The following DPH5 variants were observed in gnomAD, a reference collection of about 807,000 sequenced individuals.
The protein encoded by DPH5 is diphthine methyl ester synthase.
Under a neutral mutation model 31.6 loss-of-function variants are expected in DPH5, and 31 were observed. The ratio of observed to expected loss-of-function variants is 0.98; its 90% CI spans 0.74 to 1.32. The LOEUF is 1.32. DPH5 is among the 40% of genes most tolerant of loss of function. DPH5 has a pLI of 0.00. For synonymous variants in DPH5, 120 were observed against 115.0 expected (o/e 1.04, Z -0.28); for missense variants, 309 against 335.7 (o/e 0.92, Z 0.62).
At chr1:101,025,192 G>T in intron 2 of DPH5, 117 bp downstream of exon 2, 1 of 1,246,440 alleles carries the variant, frequency 8.0e-7, no homozygotes, top group Non-Finnish European at 1.1e-6. Context: ...AATGAACAAG[G>T]GATGCGTTTC....
intron 2 of DPH5, 191 bp downstream of exon 2, chr1:101,025,118 C>A: frequency 1.5e-6 from 1 of 653,926 alleles, no homozygotes. Context: ...GGACAAAGCA[C>A]CCTTTCATTT....
intron 4 of DPH5, among the ~76,000 whole-genome samples, chr1:101,011,401 A>G (rs1408733328): frequency 2.6e-5 from 4 of 152,222 alleles, no homozygotes; most frequent in Admixed American, 2.6e-4. Flanking sequence ...TTAGATAATA[A>G]AACTAAGCTG....
At chr1:101,009,107 C>T (rs1659453934) in intron 4 of DPH5, among the ~76,000 whole-genome samples, 1 of 152,160 alleles carries the variant, frequency 6.6e-6, no homozygotes, top group African/African-American at 2.4e-5. Context: ...AATACCTACC[C>T]CATGACTTTA....
rs1327579730 is a variant in DPH5, at chr1:100,990,086, T to G, written c.*322A>C. ...GGTAATTATAAAAGAGGTTTAATTT[T>G]CGACTCACAGTTCCACATGGCTGGG... On this transcript the variant is annotated 3_prime_UTR_variant, in exon 8 of 8. Coordinates refer to ENST00000370109, the MANE Select transcript of DPH5 (RefSeq NM_015958.3). 1 of 314,528 alleles carries G rather than the reference T, an allele frequency of 3.2e-6. No homozygotes were observed. Among genetic ancestry groups the G allele is most frequent in the African/African-American group, 2.2e-5 (1 of 46,424 alleles). 19.5% of individuals were successfully genotyped at this position (314,528 alleles called of 1,614,324 possible).
Position 101,021,747 on chromosome 1 carries a change from T to G in DPH5, c.154A>C (p.Lys52Gln). The change falls in exon 3 of 8, where the codon AAA becomes CAA. Residue 52 changes from lysine to glutamine, a missense_variant. By Grantham distance (53) the Lys-to-Gln change is moderately conservative. Transcript: ENST00000370109. ...TCTTCTCTATCAGCAACAACCAATTTTCTTCCATAAAACTCTTCCTACAGA... is the reference window on the plus strand; with the variant it reads ...TCTTCTCTATCAGCAACAACCAATTGTCTTCCATAAAACTCTTCCTACAGA... ...KEALEEFYGR[K>Q]LVVADREEVE... The G allele has an allele frequency of 6.2e-7, 1 of 1,613,206 alleles. No individual in the cohort carries two copies. The highest frequency in any genetic ancestry group is 2.2e-5 in the East Asian group (1 of 44,824).
chr1:101,010,326 G>A (rs765327051), intron 4 of DPH5, among the ~76,000 whole-genome samples: 1 of 152,114 alleles, frequency 6.6e-6, no homozygotes, highest in Non-Finnish European at 1.5e-5. Flanking sequence ...TTATTTTATG[G>A]CAAGTCTGTA....
chr1:101,014,871 A>C (rs1369626024), intron 3 of DPH5, among the ~76,000 whole-genome samples: 2 of 152,224 alleles, frequency 1.3e-5, no homozygotes, highest in African/African-American at 4.8e-5. Flanking sequence ...TCATGAAACC[A>C]CTTTCTTTGC....
intron 3 of DPH5, 37 bp from the exon 4 acceptor site, chr1:101,013,855 C>T: frequency 6.6e-7 from 1 of 1,512,128 alleles, no homozygotes; most frequent in East Asian, 2.3e-5. Flanking sequence ...TTAAAGCAAA[C>T]AACACTTTTA....
chr1:101,023,850 A>G (rs1044832373), intron 2 of DPH5, among the ~76,000 whole-genome samples: 1 of 152,236 alleles, frequency 6.6e-6, no homozygotes, highest in East Asian at 1.9e-4. Flanking sequence ...AAAAGACACT[A>G]AAGTTAAAGG....
At position 100,993,828 on chromosome 1, in the gene DPH5, G is replaced by C. The variant is rs1658079122; in HGVS notation, c.531-1088C>G. On this transcript the variant is annotated intron_variant, in intron 6 of 7. Coordinates refer to ENST00000370109, the MANE Select transcript of DPH5 (RefSeq NM_015958.3). ...GTGATATTGGTTCACTGCAACCTCT[G>C]CCTCCTGGGTTCAAGCAATTCTCTG... Among the ~76,000 whole-genome samples the C allele has an allele frequency of 2.6e-5, 4 of 151,486 alleles. No individual in the cohort carries two copies. In the South Asian group the frequency reaches 6.3e-4, roughly 24 times the overall value.
At chr1:100,998,671 A>G (rs1003470611) in intron 5 of DPH5, among the ~76,000 whole-genome samples, 9 of 152,212 alleles carry the variant, frequency 5.9e-5, no homozygotes, top group African/African-American at 2.2e-4. Context: ...TTTAGTGCCT[A>G]CACTGTGCTA....
Position 101,015,910 on chromosome 1 carries a change from C to T in DPH5, c.261-2092G>A, listed in dbSNP as rs146701142. ...TCATAGACTTGAAGAGAGTTCGAGC[C>T]TTGCCCTGGATTAGACTTTAGCTTA... On this transcript the variant is annotated intron_variant, in intron 3 of 7. Coordinates refer to ENST00000370109, the MANE Select transcript of DPH5 (RefSeq NM_015958.3). 1.9e-3 allele frequency among the ~76,000 whole-genome samples: 296 copies of T among 152,330 alleles called. 3 individuals carry two copies. The highest frequency in any genetic ancestry group is 6.7e-3 in the African/African-American group (280 of 41,568).
intron 3 of DPH5, among the ~76,000 whole-genome samples, chr1:101,015,719 C>G (rs1201787177): frequency 6.6e-6 from 1 of 152,222 alleles, no homozygotes; most frequent in Non-Finnish European, 1.5e-5. Context: ...CACTGAAAAT[C>G]TACTGTGTAG....
intron 4 of DPH5, among the ~76,000 whole-genome samples, chr1:101,002,561 A>G (rs1003982054): frequency 6.6e-6 from 1 of 152,228 alleles, no homozygotes; most frequent in Non-Finnish European, 1.5e-5. Flanking sequence ...TATAAAACAG[A>G]ATACTAAAGT....
chr1:100,990,603 G>A lies in DPH5; in HGVS notation c.663C>T (p.Gly221=). 1 of 1,613,890 alleles carries A rather than the reference G, an allele frequency of 6.2e-7. No homozygotes were observed. Reference sequence around the variant, plus strand: ...GGTCGTCGGCTCCAACCCTGGCTAAGCCAACACAAAGTGTCTCCTCGGTAA... The same window carrying A: ...GGTCGTCGGCTCCAACCCTGGCTAAACCAACACAAAGTGTCTCCTCGGTAA... The part of the protein sequence containing the change: ...PAVTEETLCV[G]LARVGADDQK... Residue 221 remains glycine (G), a synonymous_variant, in exon 8 of 8, where the codon GGC becomes GGT. Transcript: ENST00000370109.
intron 6 of DPH5, among the ~76,000 whole-genome samples, chr1:100,994,415 C>T (rs574686017): frequency 2.4e-4 from 36 of 152,230 alleles, no homozygotes; most frequent in Middle Eastern, 6.8e-3. Flanking sequence ...GTATTAGACA[C>T]TGCCTCTCTA....
At chr1:101,001,724 A>C in intron 4 of DPH5, 137 bp from the exon 5 acceptor site, 1 of 666,180 alleles carries the variant, frequency 1.5e-6, no homozygotes, top group Non-Finnish European at 2.4e-6. Flanking sequence ...ATCTGTCACC[A>C]AAAAAGGTAA....
chr1:101,002,217 CCCA>C (rs1264820925), intron 4 of DPH5, among the ~76,000 whole-genome samples: 1 of 152,180 alleles, frequency 6.6e-6, no homozygotes, highest in Non-Finnish European at 1.5e-5. Flanking sequence ...TTCTCTTTAA[CCCA>C]CAAGTGGCCC....
chr1:100,998,563 A>G (rs1448426390), intron 5 of DPH5, among the ~76,000 whole-genome samples: 2 of 152,036 alleles, frequency 1.3e-5, no homozygotes, highest in Non-Finnish European at 2.9e-5. Context: ...AATTGACTGA[A>G]CTAGCAAGAG....
Sources: gnomAD v4.1 joint callset for allele counts (sites outside exome capture counted in the v4.1 genomes callset) on GRCh38, gnomAD v4.1.1 for gene constraint, MANE v1.5 for transcripts, NCBI Gene and HGNC (gene_info 2026-07-23, HGNC 2026-07-21) for gene names.